The following FILIP1 variants were observed in gnomAD, a reference collection of about 807,000 sequenced individuals.
FILIP1 encodes filamin-A-interacting protein 1.
A neutral mutation model predicts 102.1 loss-of-function variants in FILIP1; 61 were observed. The observed-to-expected ratio is 0.60, with a 90% CI of 0.49 to 0.74. FILIP1 has a LOEUF of 0.74. Ranked by LOEUF, FILIP1 falls within the 30% of genes least tolerant of loss-of-function variation. FILIP1 has a pLI of 0.00. For synonymous variants in FILIP1, 491 were observed against 526.9 expected (o/e 0.93, Z 0.93); for missense variants, 1,314 against 1,441.2 (o/e 0.91, Z 1.43).
intron 1 of FILIP1, among the ~76,000 whole-genome samples, chr6:75,440,412 A>G (rs1343068507): frequency 1.3e-5 from 2 of 152,210 alleles, no homozygotes; most frequent in African/African-American, 4.8e-5. Flanking sequence ...TGAAGGAGAA[A>G]TTGCAGGTGA....
At chr6:75,455,414 C>T (rs114202364) in intron 1 of FILIP1, 107 of 151,664 alleles carry the variant, frequency 7.1e-4, no homozygotes, top group African/African-American at 2.5e-3. Flanking sequence ...ATCCAAAGCT[C>T]ATTTTTATTG....
intron 4 of FILIP1, among the ~76,000 whole-genome samples, chr6:75,341,976 G>A (rs1774434092): frequency 6.6e-6 from 1 of 152,064 alleles, no homozygotes; most frequent in South Asian, 2.1e-4. Context: ...TTGTGAATGG[G>A]GCTATATATT....
At chr6:75,396,354 C>G (rs902583098) in intron 2 of FILIP1, among the ~76,000 whole-genome samples, 2 of 151,844 alleles carry the variant, frequency 1.3e-5, no homozygotes, top group African/African-American at 4.8e-5. Context: ...GCAGGAAGGG[C>G]ATACCAGTTA....
In FILIP1 at chr6:75,377,436, A is replaced by G. The variant is rs1453832776; in HGVS notation, c.277-14519T>C. Among the ~76,000 whole-genome samples the G allele has an allele frequency of 2.6e-5, 4 of 152,338 alleles. No individual in the cohort carries two copies. In the East Asian group the frequency reaches 5.8e-4, roughly 22 times the overall value. On this transcript the variant is annotated intron_variant, in intron 2 of 5. Transcript: ENST00000237172. ...AAAATTTTTTGAACATGAACATCTC[A>G]TATGTACTGTTACCTAAGTGCTGTT... is the stretch of plus-strand genomic sequence containing the variant.
chr6:75,422,875 T>C (rs1358167584), intron 1 of FILIP1, among the ~76,000 whole-genome samples: 1 of 152,152 alleles, frequency 6.6e-6, no homozygotes, highest in Admixed American at 6.6e-5. Flanking sequence ...TTATTTATTT[T>C]ATATTTATTT....
At chr6:75,448,596 C>G (rs976620395) in intron 1 of FILIP1, among the ~76,000 whole-genome samples, 2 of 152,064 alleles carry the variant, frequency 1.3e-5, no homozygotes, top group African/African-American at 4.8e-5. Context: ...TCTTTGCAAT[C>G]TATGCATCCA....
chr6:75,380,873 T>C (rs1349488567), intron 2 of FILIP1, among the ~76,000 whole-genome samples: 1 of 152,136 alleles, frequency 6.6e-6, no homozygotes, highest in African/African-American at 2.4e-5. Flanking sequence ...CCCACCAAAA[T>C]AGCCACAATC....
At chr6:75,320,027 C>T (rs73453738) in intron 4 of FILIP1, 6,099 of 278,860 alleles carry the variant, frequency 0.022, 230 homozygotes, top group East Asian at 0.12. Flanking sequence ...AGTGCCGGTC[C>T]GGCTCTCATT....
chr6:75,308,971 A>G (rs1328109527), intron 5 of FILIP1, 74 bp from the exon 6 acceptor site: 3 of 1,521,790 alleles, frequency 2.0e-6, no homozygotes, highest in Non-Finnish European at 2.7e-6. Context: ...CAATCTGAAC[A>G]TTAGTGGGAC....
chr6:75,432,690 T>C (rs571126641), intron 1 of FILIP1, among the ~76,000 whole-genome samples: 123 of 152,326 alleles, frequency 8.1e-4, no homozygotes, highest in African/African-American at 2.7e-3. Context: ...ATTTTTATTT[T>C]TTTTATTATA....
At chr6:75,357,893 T>G (rs573643347) in intron 3 of FILIP1, among the ~76,000 whole-genome samples, 1 of 152,228 alleles carries the variant, frequency 6.6e-6, no homozygotes, top group Non-Finnish European at 1.5e-5. Flanking sequence ...TGTAGATTCA[T>G]TAATCATAGA....
At chr6:75,363,437 A>T (rs1187239518) in intron 2 of FILIP1, among the ~76,000 whole-genome samples, 1 of 152,216 alleles carries the variant, frequency 6.6e-6, no homozygotes, top group Admixed American at 6.5e-5. Context: ...TTGCACAGAA[A>T]CACATGGTTG....
At chr6:75,438,732 A>G (rs2149716729) in intron 1 of FILIP1, among the ~76,000 whole-genome samples, 1 of 152,312 alleles carries the variant, frequency 6.6e-6, no homozygotes, top group South Asian at 2.1e-4. Context: ...AAATTAAAGA[A>G]TGTAAAAAAT....
chr6:75,353,668 T>A lies in FILIP1; in HGVS notation c.500A>T (p.Glu167Val). 1.2e-6 allele frequency: 2 copies of A among 1,614,154 alleles called. No homozygotes were observed. The highest frequency in any genetic ancestry group is 1.7e-6 in the Non-Finnish European group (2 of 1,180,030). Residue 167 changes from glutamate to valine, a missense_variant, in exon 4 of 6, where the codon GAG (glutamate) becomes GTG (valine). Physicochemically the swap from Glu to Val is moderately radical, Grantham distance 121 (BLOSUM62 -2). Around this residue, in one of 3 missense-constraint regions of FILIP1, gnomAD observed 494 missense variants for 511.2 expected, o/e 0.97. Transcript: ENST00000237172. Reference sequence around the variant, plus strand: ...ACACTTCTCGGCCAGCAACAGCTGCTCTAGCATGCGCCGGTAGGTTTCTTT... The same window carrying A: ...ACACTTCTCGGCCAGCAACAGCTGCACTAGCATGCGCCGGTAGGTTTCTTT... ...KQKETYRRMLEQLLLAEKCHR... is the reference protein window; with the variant it reads ...KQKETYRRMLVQLLLAEKCHR...
intron 1 of FILIP1, among the ~76,000 whole-genome samples, chr6:75,462,603 C>A (rs751095592): frequency 2.2e-4 from 33 of 152,016 alleles, no homozygotes; most frequent in Non-Finnish European, 4.7e-4. Context: ...TATACACACA[C>A]ATACATATAC....
intron 1 of FILIP1, among the ~76,000 whole-genome samples, chr6:75,467,578 A>G (rs1779205424): frequency 1.3e-5 from 2 of 152,160 alleles, no homozygotes; most frequent in Non-Finnish European, 2.9e-5. Flanking sequence ...ACATCCTCCC[A>G]AGGTTTTGAA....
chr6:75,473,641 GCTAA>G (rs1562650282), intron 1 of FILIP1: 2 of 152,224 alleles, frequency 1.3e-5, no homozygotes, highest in Non-Finnish European at 2.9e-5. Context: ...CCATGCATAC[GCTAA>G]CTAAGAAATG....
intron 1 of FILIP1, among the ~76,000 whole-genome samples, chr6:75,422,016 T>G (rs1777486014): frequency 6.6e-6 from 1 of 152,136 alleles, no homozygotes; most frequent in South Asian, 2.1e-4. Context: ...TTTTTAACTT[T>G]TTTCCTTTTT....
chr6:75,320,961 G>A (rs992967853), intron 4 of FILIP1, among the ~76,000 whole-genome samples: 2 of 152,206 alleles, frequency 1.3e-5, no homozygotes, highest in African/African-American at 2.4e-5. Flanking sequence ...GGGAGTATTA[G>A]AACAGGCTGA....
Sources: gnomAD v4.1 joint callset for allele counts (sites outside exome capture counted in the v4.1 genomes callset) on GRCh38, gnomAD v4.1.1 for gene constraint, gnomAD v4.1.1 regional missense constraint, MANE v1.5 for transcripts, NCBI Gene and HGNC (gene_info 2026-07-23, HGNC 2026-07-21) for gene names.